Variants in FHIT observed in about 807,000 individuals in gnomAD.
FHIT encodes the protein bis(5'-adenosyl)-triphosphatase.
A neutral mutation model predicts 17.9 loss-of-function variants in FHIT; 19 were observed. That is an observed-to-expected ratio of 1.06 (90% CI 0.74 to 1.56). The LOEUF (loss-of-function observed/expected upper bound fraction) is 1.56. FHIT is among the 40% of genes most tolerant of loss of function. The probability of loss-of-function intolerance (pLI) is 0.00; values close to 1 mark genes in which losing one functional copy is unlikely to be tolerated. For synonymous variants in FHIT, 81 were observed against 69.7 expected, an observed-to-expected ratio of 1.16 and a Z score of -0.81; for missense variants, 248 against 189.2, an observed-to-expected ratio of 1.31 and a Z score of -1.82.
At chr3:60,379,644 C>T (rs1282771582) in intron 5 of FHIT, among the ~76,000 whole-genome samples, 2 of 152,046 alleles carry the variant, frequency 1.3e-5, no homozygotes, top group East Asian at 3.9e-4. Flanking sequence ...TATTGTTAAG[C>T]CATTAGGGCA....
At chr3:60,052,090 G>C (rs1029812004) in intron 5 of FHIT, among the ~76,000 whole-genome samples, 3 of 152,124 alleles carry the variant, frequency 2.0e-5, no homozygotes, top group African/African-American at 7.2e-5. Flanking sequence ...ACTACCCCAT[G>C]AGCCACTTGT....
chr3:61,072,569 G>A (rs975073884), intron 2 of FHIT, among the ~76,000 whole-genome samples: 1 of 152,066 alleles, frequency 6.6e-6, no homozygotes, highest in African/African-American at 2.4e-5. Context: ...ACCATTAGAG[G>A]ACAAGCCTGC....
At chr3:60,627,791 G>A (rs771173022) in intron 4 of FHIT, among the ~76,000 whole-genome samples, 41 of 152,308 alleles carry the variant, frequency 2.7e-4, no homozygotes, top group Middle Eastern at 3.4e-3. Flanking sequence ...CAAAGGGCTG[G>A]AATTATAGGC....
intron 3 of FHIT, among the ~76,000 whole-genome samples, chr3:61,032,704 C>G (rs2033065332): frequency 6.6e-6 from 1 of 152,160 alleles, no homozygotes; most frequent in African/African-American, 2.4e-5. Context: ...TAGAACAGAG[C>G]CTACAAGCCA....
chr3:60,268,451 C>G (rs1254816191), intron 5 of FHIT, among the ~76,000 whole-genome samples: 1 of 152,140 alleles, frequency 6.6e-6, no homozygotes, highest in East Asian at 1.9e-4. Context: ...GTTAACAGAA[C>G]TAGTTGCAAC....
intron 4 of FHIT, among the ~76,000 whole-genome samples, chr3:60,552,491 C>T (rs1485075866): frequency 6.6e-6 from 1 of 152,186 alleles, no homozygotes; most frequent in Non-Finnish European, 1.5e-5. Flanking sequence ...CAACACCCCA[C>T]TCCCAGATAT....
chr3:59,961,556 G>A (rs1170136062), intron 7 of FHIT, among the ~76,000 whole-genome samples: 1 of 152,116 alleles, frequency 6.6e-6, no homozygotes, highest in Non-Finnish European at 1.5e-5. Context: ...CATCTGTGGG[G>A]AATCTCCTGG....
chr3:61,056,428 AT>A (rs1269997945), intron 2 of FHIT, among the ~76,000 whole-genome samples: 1 of 152,244 alleles, frequency 6.6e-6, no homozygotes, highest in Non-Finnish European at 1.5e-5. Flanking sequence ...TGCAGCTTAC[AT>A]TCTAATTGTG....
intron 3 of FHIT, among the ~76,000 whole-genome samples, chr3:60,951,581 A>C (rs1159803621): frequency 6.6e-6 from 1 of 152,212 alleles, no homozygotes; most frequent in East Asian, 1.9e-4. Context: ...CTTGACACCT[A>C]ACGACCTTCA....
intron 2 of FHIT, among the ~76,000 whole-genome samples, chr3:61,184,131 T>A (rs1429506132): frequency 6.6e-6 from 1 of 152,014 alleles, no homozygotes; most frequent in Non-Finnish European, 1.5e-5. Context: ...TCCCCCAGTG[T>A]CTCTACCCAG....
intron 5 of FHIT, among the ~76,000 whole-genome samples, chr3:60,377,425 G>A (rs1269937361): frequency 6.8e-6 from 1 of 147,868 alleles, no homozygotes; most frequent in Non-Finnish European, 1.5e-5. Context: ...CCAAAGTGCT[G>A]GGATTACAGG....
At chr3:61,039,758 G>A (rs577000040) in intron 3 of FHIT, among the ~76,000 whole-genome samples, 42 of 152,072 alleles carry the variant, frequency 2.8e-4, no homozygotes, top group Non-Finnish European at 3.2e-4. Context: ...TGCAGATGAC[G>A]GGTTGATGGG....
chr3:60,217,710 T>C (rs915780833), intron 5 of FHIT, among the ~76,000 whole-genome samples: 5 of 152,146 alleles, frequency 3.3e-5, no homozygotes, highest in Admixed American at 6.6e-5. Context: ...CACACTGGCC[T>C]TCCCTCCATT....
chr3:60,120,660 A>G (rs967969567), intron 5 of FHIT, among the ~76,000 whole-genome samples: 3 of 152,096 alleles, frequency 2.0e-5, no homozygotes, highest in Admixed American at 2.0e-4. Flanking sequence ...AAGTATTTGA[A>G]CAGCCTATTT....
At chr3:60,861,784 G>T (rs183809682) in intron 3 of FHIT, among the ~76,000 whole-genome samples, 1 of 152,010 alleles carries the variant, frequency 6.6e-6, no homozygotes, top group Admixed American at 6.6e-5. Context: ...AACAAAGTAA[G>T]AACCAAAATA....
intron 5 of FHIT, among the ~76,000 whole-genome samples, chr3:60,029,750 T>C (rs961086994): frequency 6.6e-6 from 1 of 152,174 alleles, no homozygotes; most frequent in Non-Finnish European, 1.5e-5. Context: ...CAAAGGTTTT[T>C]AAAGGGCAAG....
intron 3 of FHIT, among the ~76,000 whole-genome samples, chr3:61,032,543 C>G (rs755191294): frequency 2.0e-5 from 3 of 152,146 alleles, no homozygotes; most frequent in Non-Finnish European, 4.4e-5. Context: ...ATTTCTGGCA[C>G]AGCAAAACCA....
chr3:60,237,341 T>C (rs772166754), intron 5 of FHIT, among the ~76,000 whole-genome samples: 9 of 144,104 alleles, frequency 6.2e-5, no homozygotes, highest in Non-Finnish European at 1.1e-4. Context: ...GAAATGCCCA[T>C]ATTTACACCT....
At chr3:60,155,858 A>G (rs193030119) in intron 5 of FHIT, among the ~76,000 whole-genome samples, 2 of 152,208 alleles carry the variant, frequency 1.3e-5, no homozygotes, top group East Asian at 3.9e-4. Flanking sequence ...CACCCAAGTA[A>G]AGTCCAGCTC....
Sources: gnomAD v4.1 joint callset for allele counts (sites outside exome capture counted in the v4.1 genomes callset) on GRCh38, gnomAD v4.1.1 for gene constraint, MANE v1.5 for transcripts, NCBI Gene and HGNC (gene_info 2026-07-23, HGNC 2026-07-21) for gene names.